SLC13A1: variants seen among roughly 807,000 people sequenced by gnomAD.
SLC13A1 encodes the protein Na(+)/sulfate cotransporter.
SLC13A1 carries 65 observed loss-of-function variants against 70.0 expected under a neutral mutation model. That is an observed-to-expected ratio of 0.93 (90% CI 0.76 to 1.14). The LOEUF is 1.14. SLC13A1 is among the 50% of genes most tolerant of loss of function. The pLI is 0.00. For synonymous variants in SLC13A1, 275 were observed against 250.5 expected, an observed-to-expected ratio of 1.10 and a Z score of -0.92; for missense variants, 726 against 717.8, an observed-to-expected ratio of 1.01 and a Z score of -0.13.
chr7:123,185,661 C>T (rs914095505), intron 1 of SLC13A1, among the ~76,000 whole-genome samples: 1 of 152,048 alleles, frequency 6.6e-6, no homozygotes, highest in Admixed American at 6.6e-5. Context: ...ATGCCACTGC[C>T]ATGCTGTTTT....
chr7:123,137,026 C>T (rs761126991), intron 7 of SLC13A1, among the ~76,000 whole-genome samples: 14 of 152,132 alleles, frequency 9.2e-5, no homozygotes, highest in Non-Finnish European at 1.6e-4. Context: ...TGGATCAGAT[C>T]ATGTATAACC....
intron 11 of SLC13A1, among the ~76,000 whole-genome samples, chr7:123,123,901 T>A (rs10253356): frequency 0.23 from 35,570 of 152,040 alleles, 4,858 homozygotes; most frequent in East Asian, 0.35. Flanking sequence ...CCCATTTAAC[T>A]TGTGTATAAC....
In SLC13A1 at chr7:123,199,902, G is replaced by A. The variant is rs145044274; in HGVS notation, c.45C>T (p.Phe15=). Residue 15 remains phenylalanine, a synonymous_variant, in exon 1 of 15, where the codon TTC becomes TTT. Transcript: ENST00000194130. ...SYILVYRRFL[F]VVFTVLVLLP... ...GTAAAACCAACACAGTGAAAACCACGAAGAGAAATCGGCGATAAACCAGAA... is the reference window on the plus strand; with the variant it reads ...GTAAAACCAACACAGTGAAAACCACAAAGAGAAATCGGCGATAAACCAGAA... The A allele has an allele frequency of 3.5e-4, 558 of 1,613,042 alleles. No homozygotes were observed. Among genetic ancestry groups the A allele is most frequent in the Non-Finnish European group, 4.3e-4 (511 of 1,179,368 alleles).
At position 123,199,902 on chromosome 7, in the gene SLC13A1, G is replaced by C. The variant is rs145044274; in HGVS notation, c.45C>G (p.Phe15Leu). 8.7e-6 allele frequency: 14 copies of C among 1,612,928 alleles called. No individual in the cohort carries two copies. The South Asian group carries it at 1.5e-4, about 18-fold the overall frequency. The stretch of plus-strand genomic sequence containing the variant: ...GTAAAACCAACACAGTGAAAACCAC[G>C]AAGAGAAATCGGCGATAAACCAGAA... ...SYILVYRRFLFVVFTVLVLLP... is the reference protein window; with the variant it reads ...SYILVYRRFLLVVFTVLVLLP... Residue 15 changes from phenylalanine to leucine, a missense_variant, in exon 1 of 15, where the codon TTC becomes TTG. By Grantham distance (22) the Phe-to-Leu change is conservative. Transcript: ENST00000194130.
intron 1 of SLC13A1, chr7:123,190,368 A>T (rs781084639): frequency 3.0e-6 from 1 of 334,596 alleles, no homozygotes; most frequent in Non-Finnish European, 5.9e-6. Context: ...AGACAAGGCT[A>T]CCTCAGATGC....
intron 6 of SLC13A1, among the ~76,000 whole-genome samples, chr7:123,153,043 T>C (rs1794604669): frequency 6.6e-6 from 1 of 152,092 alleles, no homozygotes; most frequent in Non-Finnish European, 1.5e-5. Flanking sequence ...TGATTTCCCT[T>C]TGCCACCTTA....
intron 2 of SLC13A1, among the ~76,000 whole-genome samples, chr7:123,176,835 G>A (rs900888829): frequency 3.3e-5 from 5 of 152,042 alleles, no homozygotes; most frequent in African/African-American, 1.2e-4. Context: ...TTTGGCTAGT[G>A]CTTTCTCTTC....
At chr7:123,182,136 C>T (rs1021603245) in intron 1 of SLC13A1, among the ~76,000 whole-genome samples, 1 of 152,070 alleles carries the variant, frequency 6.6e-6, no homozygotes, top group Non-Finnish European at 1.5e-5. Flanking sequence ...TTGACAGTTT[C>T]ATACAGAGTC....
intron 10 of SLC13A1, among the ~76,000 whole-genome samples, chr7:123,126,997 A>G (rs1323811137): frequency 1.5e-4 from 23 of 152,100 alleles, no homozygotes; most frequent in Admixed American, 1.5e-3. Flanking sequence ...AATATGTCCT[A>G]CAAAATATAT....
intron 8 of SLC13A1, 117 bp from the exon 9 acceptor site, chr7:123,129,598 A>G (rs999539100): frequency 3.7e-5 from 26 of 707,134 alleles, no homozygotes; most frequent in Non-Finnish European, 5.5e-5. Context: ...CCTTCATGCA[A>G]TATGAATCTC....
intron 6 of SLC13A1, among the ~76,000 whole-genome samples, chr7:123,160,565 G>T (rs976131378): frequency 2.6e-5 from 4 of 152,130 alleles, no homozygotes; most frequent in African/African-American, 9.6e-5. Context: ...AGAGCACAGA[G>T]ATTTGAGAAG....
At chr7:123,126,459 A>G (rs1379006209) in intron 10 of SLC13A1, among the ~76,000 whole-genome samples, 1 of 152,190 alleles carries the variant, frequency 6.6e-6, no homozygotes, top group Non-Finnish European at 1.5e-5. Flanking sequence ...GGCATTAATA[A>G]TTAGCATTTA....
At chr7:123,167,060 A>T (rs1467815918) in intron 6 of SLC13A1, among the ~76,000 whole-genome samples, 2 of 152,166 alleles carry the variant, frequency 1.3e-5, no homozygotes, top group Admixed American at 1.3e-4. Context: ...GCTGGAGAGG[A>T]TGTGGAGAAT....
chr7:123,199,831 T>C lies in SLC13A1; in HGVS notation c.99+17A>G. The C allele has an allele frequency of 6.4e-7, 1 of 1,566,504 alleles. No homozygotes were observed. The highest frequency in any genetic ancestry group is 8.8e-7 in the Non-Finnish European group (1 of 1,138,044). On this transcript the variant is annotated intron_variant, in intron 1 of 14. Coordinates refer to ENST00000194130, the MANE Select transcript of SLC13A1 (RefSeq NM_022444.4). ...TAAGTCAGGAAATCCACCAGTCTGT[T>C]CTCCAGGTTCACTCACCTTGGTGTG...
At chr7:123,164,942 C>A (rs910833860) in intron 6 of SLC13A1, among the ~76,000 whole-genome samples, 6 of 151,648 alleles carry the variant, frequency 4.0e-5, no homozygotes, top group Middle Eastern at 6.9e-3. Flanking sequence ...CAAAGTCAAA[C>A]CCCACAGGAT....
intron 3 of SLC13A1, 91 bp downstream of exon 3, chr7:123,171,677 T>G (rs1427308916): frequency 2.0e-5 from 26 of 1,291,112 alleles, no homozygotes; most frequent in African/African-American, 4.5e-5. Context: ...ACAAAGAATT[T>G]CCTGGGCGTG....
chr7:123,178,783 G>A (rs1376435863), intron 2 of SLC13A1, among the ~76,000 whole-genome samples: 1 of 152,118 alleles, frequency 6.6e-6, no homozygotes, highest in Non-Finnish European at 1.5e-5. Flanking sequence ...GCAAGTTCCA[G>A]TTAAACTTAC....
intron 8 of SLC13A1, among the ~76,000 whole-genome samples, chr7:123,132,364 T>TTTTTC (rs886584424): frequency 6.6e-5 from 10 of 152,048 alleles, no homozygotes; most frequent in East Asian, 1.9e-4. Flanking sequence ...GATTTCAGCA[T>TTTTTC]TTTTCTTTTC....
At chr7:123,181,379 C>T (rs1228952446) in intron 1 of SLC13A1, among the ~76,000 whole-genome samples, 1 of 152,150 alleles carries the variant, frequency 6.6e-6, no homozygotes, top group African/African-American at 2.4e-5. Flanking sequence ...TTTTCTTGCT[C>T]ATATTAGTGT....
Sources: allele counts gnomAD v4.1 joint callset (sites outside exome capture counted in the v4.1 genomes callset), GRCh38; gene constraint gnomAD v4.1.1; transcripts MANE v1.5; gene names NCBI Gene and HGNC (gene_info 2026-07-23, HGNC 2026-07-21).